The following CDH23 variants were observed in gnomAD, a reference collection of about 807,000 sequenced individuals.
The protein encoded by CDH23 is cadherin-23.
A neutral mutation model predicts 317.1 loss-of-function variants in CDH23; 189 were observed. The observed-to-expected ratio is 0.60, with a 90% CI of 0.53 to 0.67. CDH23 has a LOEUF of 0.67. CDH23 is among the 30% of genes least tolerant of loss of function. The pLI, the probability that CDH23 is intolerant of heterozygous loss-of-function variation, is 0.00. For synonymous variants in CDH23, 1,839 were observed against 1,876.8 expected, an observed-to-expected ratio of 0.98 and a Z score of 0.52; for missense variants, 4,401 against 4,592.4, an observed-to-expected ratio of 0.96 and a Z score of 1.20.
At chr10:71,505,499 G>T (rs1853583118) in intron 3 of CDH23, among the ~76,000 whole-genome samples, 1 of 152,176 alleles carries the variant, frequency 6.6e-6, no homozygotes, top group African/African-American at 2.4e-5. Flanking sequence ...GCTTACTGGG[G>T]CATTGGTTCC....
rs534095876 is a variant in CDH23, at chr10:71,709,857, G to A, written c.3220+646G>A. The stretch of plus-strand genomic sequence containing the variant: ...GGTTTAATGGGACTTACAGTTCCAC[G>A]TGGCTGGGGAGGCCACGTGGAACTC... On this transcript the variant is annotated intron_variant, in intron 27 of 69. Coordinates refer to ENST00000224721, the MANE Select transcript of CDH23 (RefSeq NM_022124.6). Among the ~76,000 whole-genome samples the A allele has an allele frequency of 3.3e-5, 5 of 152,192 alleles. No homozygotes were observed. In the East Asian group the frequency reaches 7.7e-4, roughly 24 times the overall value.
At chr10:71,403,331 C>G (rs549006134) in intron 1 of CDH23, among the ~76,000 whole-genome samples, 1 of 52,358 alleles carries the variant, frequency 1.9e-5, no homozygotes, top group Non-Finnish European at 3.8e-5. Context: ...TCCTTCCTTT[C>G]TTTCTTTCTT....
chr10:71,687,756 G>C (rs1255346897), intron 19 of CDH23, 37 bp downstream of exon 19: 1 of 1,596,372 alleles, frequency 6.3e-7, no homozygotes, highest in South Asian at 1.1e-5. Flanking sequence ...GGCACATGGA[G>C]GTAGGCAGCC....
chr10:71,471,360 C>T (rs950099320), intron 3 of CDH23, among the ~76,000 whole-genome samples: 2 of 152,226 alleles, frequency 1.3e-5, no homozygotes, highest in African/African-American at 4.8e-5. Context: ...AGGTCACTCA[C>T]GACCTGGAAC....
chr10:71,665,793 A>G (rs1431638254), intron 14 of CDH23, among the ~76,000 whole-genome samples: 1 of 152,146 alleles, frequency 6.6e-6, no homozygotes, highest in African/African-American at 2.4e-5. Flanking sequence ...GATTTCCATG[A>G]CTTTGCACCT....
chr10:71,760,805 G>A lies in CDH23; in HGVS notation c.4846-16875G>A. On this transcript the variant is annotated intron_variant, in intron 38 of 69. Coordinates refer to ENST00000224721, the MANE Select transcript of CDH23 (RefSeq NM_022124.6). Reference sequence around the variant, plus strand: ...GAGGCCAGAGTTCCAAACAGGGTCTGGGTGCAGGATGAGGACAGAAGAAAA... The same window carrying A: ...GAGGCCAGAGTTCCAAACAGGGTCTAGGTGCAGGATGAGGACAGAAGAAAA... 7.3e-6 allele frequency: 11 copies of A among 1,504,692 alleles called. No individual in the cohort carries two copies. In the South Asian group the frequency reaches 1.2e-4, roughly 17 times the overall value. 93.2% of individuals were successfully genotyped at this position (1,504,692 alleles called of 1,614,324 possible). A position where few individuals can be genotyped will look rare whatever the true frequency, so the allele number is the denominator to read the frequency against.
chr10:71,590,746 G>T (rs1437689509), intron 9 of CDH23, among the ~76,000 whole-genome samples: 1 of 151,950 alleles, frequency 6.6e-6, no homozygotes, highest in African/African-American at 2.4e-5. Context: ...AGTGCCTGTA[G>T]TCCTAGCTAC....
intron 40 of CDH23, 115 bp from the exon 41 acceptor site, chr10:71,779,152 C>A: frequency 1.1e-6 from 1 of 947,814 alleles, no homozygotes; most frequent in Non-Finnish European, 1.7e-6. Flanking sequence ...CCATATGATT[C>A]CTGCATGGGC....
intron 38 of CDH23, among the ~76,000 whole-genome samples, chr10:71,747,326 C>A (rs61026199): frequency 0.012 from 1,806 of 152,282 alleles, 30 homozygotes; most frequent in African/African-American, 0.041. Flanking sequence ...AAGGAGCCTA[C>A]CCATCAGCAG....
chr10:71,815,463 A>T lies in CDH23; in HGVS notation c.*185A>T. The T allele has an allele frequency of 1.9e-6, 1 of 526,510 alleles. No individual in the cohort carries two copies. The highest frequency in any genetic ancestry group is 3.3e-6 in the Non-Finnish European group (1 of 298,810). The allele number at this position is 526,510 out of a possible 1,614,324, so 32.6% of individuals were successfully genotyped here. Reference sequence around the variant, plus strand: ...CACTTTTGCCAGACGCTCATTCAGCATCTGACCTCTACCTTCATAAGATCT... The same window carrying T: ...CACTTTTGCCAGACGCTCATTCAGCTTCTGACCTCTACCTTCATAAGATCT... On this transcript the variant is annotated 3_prime_UTR_variant, in exon 70 of 70. Transcript: ENST00000224721.
chr10:71,773,284 C>CA, intron 38 of CDH23: 1 of 1,498,788 alleles, frequency 6.7e-7, no homozygotes, highest in Non-Finnish European at 9.1e-7. Flanking sequence ...AGGACGCCCC[C>CA]ATCCCACAGT....
chr10:71,582,625 A>G (rs1452307660), intron 9 of CDH23, among the ~76,000 whole-genome samples: 2 of 152,122 alleles, frequency 1.3e-5, no homozygotes, highest in African/African-American at 4.8e-5. Context: ...AATCTGTAAA[A>G]TGGAGATAAC....
intron 6 of CDH23, among the ~76,000 whole-genome samples, chr10:71,523,334 G>T (rs1454391386): frequency 6.6e-6 from 1 of 152,130 alleles, no homozygotes; most frequent in Non-Finnish European, 1.5e-5. Context: ...AATGGGAGAA[G>T]AATAATAAAT....
intron 3 of CDH23, among the ~76,000 whole-genome samples, chr10:71,447,704 G>A (rs767478279): frequency 3.3e-5 from 5 of 152,176 alleles, no homozygotes; most frequent in African/African-American, 1.2e-4. Flanking sequence ...CCTCTCATAG[G>A]CAGAGCCCCT....
chr10:71,666,543 C>T (rs1309431618), intron 14 of CDH23, among the ~76,000 whole-genome samples: 1 of 152,192 alleles, frequency 6.6e-6, no homozygotes, highest in African/African-American at 2.4e-5. Flanking sequence ...GCCCTGGCTT[C>T]CTTCTCAGAT....
intron 38 of CDH23, chr10:71,752,893 C>T: frequency 1.3e-6 from 2 of 1,511,354 alleles, no homozygotes; most frequent in South Asian, 1.2e-5. Context: ...GGCAGCTAAA[C>T]AGGGCCCCTA....
intron 41 of CDH23, among the ~76,000 whole-genome samples, chr10:71,780,661 T>C (rs1840928606): frequency 6.6e-6 from 1 of 152,146 alleles, no homozygotes; most frequent in African/African-American, 2.4e-5. Context: ...TGGCTTTTGC[T>C]CTGAGGTGGG....
intron 14 of CDH23, among the ~76,000 whole-genome samples, chr10:71,653,911 G>A (rs986050274): frequency 2.6e-5 from 4 of 152,178 alleles, no homozygotes; most frequent in African/African-American, 9.7e-5. Context: ...GGAGTCGGTG[G>A]AACTTCAGAG....
At chr10:71,673,781 G>A (rs1864243250) in intron 14 of CDH23, among the ~76,000 whole-genome samples, 1 of 152,224 alleles carries the variant, frequency 6.6e-6, no homozygotes, top group Non-Finnish European at 1.5e-5. Flanking sequence ...CTGTTGTGAG[G>A]GTGAAGGGGT....
Sources: gnomAD v4.1 joint callset for allele counts (sites outside exome capture counted in the v4.1 genomes callset) on GRCh38, gnomAD v4.1.1 for gene constraint, MANE v1.5 for transcripts, NCBI Gene and HGNC (gene_info 2026-07-23, HGNC 2026-07-21) for gene names.